Variants in LAMA4 observed in about 807,000 individuals in gnomAD.
LAMA4 encodes the protein laminin subunit alpha 4.
Under a neutral mutation model 207.1 loss-of-function variants are expected in LAMA4, and 127 were observed. The observed-to-expected ratio is 0.61, with a 90% confidence interval of 0.53 to 0.71. The LOEUF (loss-of-function observed/expected upper bound fraction) is 0.71, where lower values mean the gene tolerates loss of function less well. Ranked by LOEUF, LAMA4 falls within the 30% of genes least tolerant of loss-of-function variation. LAMA4 has a pLI of 0.00. For missense variants in LAMA4, 2,093 were observed against 2,246.5 expected (o/e 0.93, Z 1.38); for synonymous variants, 761 against 816.0 (o/e 0.93, Z 1.15).
rs368705309 is a variant in LAMA4, at chr6:112,180,414, G to T, written c.1078-2182C>A. Reference sequence around the variant, plus strand: ...GTAAGATGACTGAATTGAACCTATAGTGATGGCTTATATGAATGTTTATTT... The same window carrying T: ...GTAAGATGACTGAATTGAACCTATATTGATGGCTTATATGAATGTTTATTT... On this transcript the variant is annotated intron_variant, in intron 9 of 38. Transcript: ENST00000230538. Among the ~76,000 whole-genome samples the T allele has an allele frequency of 2.0e-4, 31 of 152,328 alleles. No homozygotes were observed. In the East Asian group the frequency reaches 3.5e-3, roughly 17 times the overall value.
chr6:112,117,951 A>G lies in LAMA4; in HGVS notation c.4822-53T>C. Reference sequence around the variant, plus strand: ...CAATTTTCTCAACACAAATGCACCAAGGGGAAGCAAAATGAGGGGGTTTGA... The same window carrying G: ...CAATTTTCTCAACACAAATGCACCAGGGGGAAGCAAAATGAGGGGGTTTGA... On this transcript the variant is annotated intron_variant, in intron 34 of 38. Coordinates refer to ENST00000230538, the MANE Select transcript of LAMA4 (RefSeq NM_001105206.3). This position sits in a 1 kb window ranked among gnomAD's most constrained non-coding sequence, Gnocchi z 4.5. The G allele has an allele frequency of 6.5e-7, 1 of 1,531,354 alleles. No individual in the cohort carries two copies. Among genetic ancestry groups the G allele is most frequent in the Non-Finnish European group, 9.0e-7 (1 of 1,107,346 alleles). The allele number at this position is 1,531,354 out of a possible 1,614,324, so 94.9% of individuals were successfully genotyped here.
intron 9 of LAMA4, 62 bp downstream of exon 9, chr6:112,185,175 C>T: frequency 8.9e-7 from 1 of 1,122,946 alleles, no homozygotes; most frequent in Non-Finnish European, 1.4e-6. Flanking sequence ...ACCAGCCAGC[C>T]TCACATCAGC....
chr6:112,148,941 A>G (rs1364185487), intron 17 of LAMA4, among the ~76,000 whole-genome samples: 2 of 143,482 alleles, frequency 1.4e-5, no homozygotes, highest in African/African-American at 2.6e-5. Flanking sequence ...AGGTGACTTT[A>G]TAACTTCAAA....
At chr6:112,178,317 GTA>G in intron 9 of LAMA4, 85 bp from the exon 10 acceptor site, 1 of 915,114 alleles carries the variant, frequency 1.1e-6, no homozygotes, top group Non-Finnish European at 1.8e-6. Context: ...TGGGCATAAT[GTA>G]TTTCCTAAAC....
At chr6:112,193,869 T>C (rs1783262126) in intron 5 of LAMA4, among the ~76,000 whole-genome samples, 1 of 152,182 alleles carries the variant, frequency 6.6e-6, no homozygotes, top group African/African-American at 2.4e-5. Context: ...TTCATGTCCA[T>C]TTTATGTAAG....
Position 112,139,826 on chromosome 6 carries a change from A to G in LAMA4, c.3036T>C (p.Asn1012=), listed in dbSNP as rs797037404. 8 of 1,614,092 alleles carry G rather than the reference A, an allele frequency of 5.0e-6. No individual in the cohort carries two copies. Among genetic ancestry groups the G allele is most frequent in the Non-Finnish European group, 6.8e-6 (8 of 1,179,938 alleles). ...FVGCLELATL[N]NDVISLYNFK... ...AGTTGTACAAGCTGATCACATCATT[A>G]TTCAAAGTGGCCAGTTCCAGGCAGC... The change falls in exon 23 of 39, where the codon AAT becomes AAC. Residue 1012 remains asparagine (N), a synonymous_variant. Coordinates refer to ENST00000230538, the MANE Select transcript of LAMA4 (RefSeq NM_001105206.3).
At chr6:112,198,614 G>A (rs1272279951) in intron 5 of LAMA4, among the ~76,000 whole-genome samples, 1 of 152,140 alleles carries the variant, frequency 6.6e-6, no homozygotes, top group Non-Finnish European at 1.5e-5. Context: ...CTTCTCTAAG[G>A]TGGCTGTGAA....
chr6:112,142,157 T>G lies in LAMA4; in HGVS notation c.2629A>C (p.Thr877Pro). ...AGGTACAGGATAAACTGATCTGCAG[T>G]CTCGGTCAGTTCCGGCCGCTTCACA... Reference protein sequence around the residue: ...PPVKRPELTETADQFILYLGS... With the variant: ...PPVKRPELTEPADQFILYLGS... Residue 877 changes from threonine to proline, a missense_variant, in exon 20 of 39, where the codon ACT becomes CCT. Thr to Pro is a conservative substitution (Grantham distance 38). This residue lies in a region of LAMA4 where 1,704 missense variants were observed against 1,788.4 expected (regional missense o/e 0.95). Coordinates refer to ENST00000230538, the MANE Select transcript of LAMA4 (RefSeq NM_001105206.3). 6.2e-7 allele frequency: 1 copy of G among 1,614,142 alleles called. No homozygotes were observed. The highest frequency in any genetic ancestry group is 8.5e-7 in the Non-Finnish European group (1 of 1,179,998).
chr6:112,253,911 G>T (rs1554190414), intron 2 of LAMA4, 45 bp downstream of exon 2: 4 of 1,613,028 alleles, frequency 2.5e-6, no homozygotes, highest in Non-Finnish European at 2.5e-6. Context: ...CAGCCCGCGG[G>T]GGCGCAGGTG....
At chr6:112,154,773 G>T in intron 16 of LAMA4, 78 bp downstream of exon 16, 1 of 896,334 alleles carries the variant, frequency 1.1e-6, no homozygotes, top group Non-Finnish European at 1.9e-6. Context: ...TCCTAGATTT[G>T]GAAATCTCTG....
chr6:112,233,117 G>A (rs75748286), intron 2 of LAMA4, among the ~76,000 whole-genome samples: 1,649 of 152,256 alleles, frequency 0.011, 27 homozygotes, highest in African/African-American at 0.038. Context: ...GGAGCTCCTG[G>A]AATGAGCAGC....
intron 2 of LAMA4, among the ~76,000 whole-genome samples, chr6:112,229,657 A>G (rs989024724): frequency 6.6e-6 from 1 of 152,214 alleles, no homozygotes; most frequent in Non-Finnish European, 1.5e-5. Context: ...GACTGAACAG[A>G]GCTAACAAAT....
intron 2 of LAMA4, among the ~76,000 whole-genome samples, chr6:112,225,478 C>T (rs1185029791): frequency 2.6e-5 from 4 of 152,182 alleles, no homozygotes; most frequent in Non-Finnish European, 5.9e-5. Flanking sequence ...ATGGTTTGCA[C>T]ATAGAATGAC....
At chr6:112,145,517 G>C (rs1454779611) in intron 18 of LAMA4, among the ~76,000 whole-genome samples, 1 of 152,248 alleles carries the variant, frequency 6.6e-6, no homozygotes. Flanking sequence ...CTGCTCAGCT[G>C]TGTGTGGGAG....
chr6:112,140,691 A>C (rs781926864), intron 22 of LAMA4, 69 bp downstream of exon 22: 1 of 1,440,240 alleles, frequency 6.9e-7, no homozygotes, highest in Non-Finnish European at 9.7e-7. Flanking sequence ...AAGTCATTAT[A>C]GGTTTATGGA....
At chr6:112,142,342 A>G in intron 19 of LAMA4, 50 bp from the exon 20 acceptor site, 3 of 1,569,460 alleles carry the variant, frequency 1.9e-6, no homozygotes, top group Non-Finnish European at 1.8e-6. Flanking sequence ...AAATGGGCAG[A>G]GTGCTTTCCC....
At chr6:112,193,336 G>T (rs1392946144) in intron 5 of LAMA4, among the ~76,000 whole-genome samples, 1 of 152,022 alleles carries the variant, frequency 6.6e-6, no homozygotes, top group African/African-American at 2.4e-5. Flanking sequence ...TGTTGGCCTT[G>T]GGAGTGGAAA....
chr6:112,217,147 T>C (rs541014061), intron 2 of LAMA4, among the ~76,000 whole-genome samples: 2 of 152,214 alleles, frequency 1.3e-5, no homozygotes, highest in East Asian at 3.9e-4. Flanking sequence ...GATTGAGAGG[T>C]GCTAAGTGGC....
chr6:112,165,279 G>A lies in LAMA4; in HGVS notation c.1552-3C>T. ...TCCCTCACTCTTTCCTGTTGTTTCT[G>A]CGGGAAGGAAGAGTAAGGGAGAGTG... On this transcript the variant is annotated splice_region_variant and splice_polypyrimidine_tract_variant and intron_variant, in intron 12 of 38. Coordinates refer to ENST00000230538, the MANE Select transcript of LAMA4 (RefSeq NM_001105206.3). The A allele has an allele frequency of 1.3e-6, 2 of 1,588,946 alleles. No homozygotes were observed. The highest frequency in any genetic ancestry group is 1.7e-6 in the Non-Finnish European group (2 of 1,157,040).
Sources: gnomAD v4.1 joint callset for allele counts (sites outside exome capture counted in the v4.1 genomes callset) on GRCh38, gnomAD v4.1.1 for gene constraint, gnomAD v4.1.1 regional missense constraint, Gnocchi (gnomAD v3.1) non-coding constraint, MANE v1.5 for transcripts, NCBI Gene and HGNC (gene_info 2026-07-23, HGNC 2026-07-21) for gene names.